EYS: variants seen among roughly 807,000 people sequenced by gnomAD.
EYS encodes protein eyes shut homolog.
In EYS, 250 loss-of-function variants were observed where a neutral mutation model predicts 282.1. The ratio of observed to expected loss-of-function variants is 0.89; its 90% CI spans 0.80 to 0.98. The LOEUF (loss-of-function observed/expected upper bound fraction) is 0.98. EYS is among the 50% of genes least tolerant of loss of function. The pLI is 0.00. For synonymous variants in EYS, 1,355 were observed against 1,282.9 expected (o/e 1.06, Z -1.20); for missense variants, 4,016 against 3,709.0 (o/e 1.08, Z -2.15).
chr6:64,323,077 A>G (rs1770277066), intron 29 of EYS, among the ~76,000 whole-genome samples: 1 of 152,112 alleles, frequency 6.6e-6, no homozygotes, highest in African/African-American at 2.4e-5. Context: ...TATATAATTT[A>G]TCTATTTAAA....
intron 29 of EYS, among the ~76,000 whole-genome samples, chr6:64,354,570 T>A (rs1217893600): frequency 6.6e-6 from 1 of 151,548 alleles, no homozygotes; most frequent in Admixed American, 6.6e-5. Context: ...TAGCCATGAT[T>A]TTCTCATTTT....
chr6:63,984,034 A>G (rs1263162111), intron 35 of EYS, among the ~76,000 whole-genome samples: 1 of 151,544 alleles, frequency 6.6e-6, no homozygotes, highest in Non-Finnish European at 1.5e-5. Flanking sequence ...AAAAATTAAT[A>G]AATATATCAA....
chr6:64,960,382 G>C (rs1769870774), intron 14 of EYS, among the ~76,000 whole-genome samples: 1 of 152,002 alleles, frequency 6.6e-6, no homozygotes, highest in African/African-American at 2.4e-5. Context: ...GATTTTGAAA[G>C]GATTTTTCCT....
At position 64,349,539 on chromosome 6, in the gene EYS, A is replaced by G. The variant is rs574614953; in HGVS notation, c.6078+39151T>C. On this transcript the variant is annotated intron_variant, in intron 29 of 42. Coordinates refer to ENST00000503581, the MANE Select transcript of EYS (RefSeq NM_001142800.2). The stretch of plus-strand genomic sequence containing the variant: ...TTAGTCTGTGATATTGTTCAATACT[A>G]GGTAAGAGTTAATGATTCTATAAAA... Among the ~76,000 whole-genome samples the G allele has an allele frequency of 1.2e-3, 177 of 151,424 alleles. 1 individual carries two copies. The highest frequency in any genetic ancestry group is 1.8e-3 in the Non-Finnish European group (121 of 67,494).
chr6:64,969,242 G>A (rs1770207775), intron 14 of EYS, among the ~76,000 whole-genome samples: 1 of 152,142 alleles, frequency 6.6e-6, no homozygotes. Flanking sequence ...AGTGGTTGCA[G>A]GTGGAGTGTG....
chr6:64,589,628 G>C (rs1582927329), intron 26 of EYS, among the ~76,000 whole-genome samples: 1 of 151,882 alleles, frequency 6.6e-6, no homozygotes, highest in Non-Finnish European at 1.5e-5. Flanking sequence ...ATATATCAAG[G>C]CTCTGAATTC....
chr6:65,488,328 T>C (rs1765890701), intron 5 of EYS, among the ~76,000 whole-genome samples: 2 of 152,208 alleles, frequency 1.3e-5, no homozygotes, highest in African/African-American at 4.8e-5. Flanking sequence ...TAAATTTCCC[T>C]CTACACACTG....
chr6:65,609,171 G>C (rs1765906614), intron 2 of EYS, among the ~76,000 whole-genome samples: 1 of 151,728 alleles, frequency 6.6e-6, no homozygotes, highest in African/African-American at 2.4e-5. Context: ...ATCACCACAA[G>C]CATGTGACTA....
In EYS at chr6:63,806,107, C is replaced by T. The variant is rs1393262725; in HGVS notation, c.7411+83G>A. 7 of 1,218,988 alleles carry T rather than the reference C, an allele frequency of 5.7e-6. No homozygotes were observed. The African/African-American group carries it at 1.1e-4, about 19-fold the overall frequency. 75.5% of individuals were successfully genotyped at this position (1,218,988 alleles called of 1,614,324 possible). The stretch of plus-strand genomic sequence containing the variant: ...CTAGGCAAAGGTCTTTTTTTTACCA[C>T]AGCCAATTAGAGTGTCCCTGAGGAA... On this transcript the variant is annotated intron_variant, in intron 37 of 42. Coordinates refer to ENST00000503581, the MANE Select transcript of EYS (RefSeq NM_001142800.2).
rs1192290432 is a variant in EYS at position 64,439,200 on chromosome 6, A to T, written c.5797T>A (p.Phe1933Ile). The T allele has an allele frequency of 1.4e-6, 2 of 1,479,186 alleles. No individual in the cohort carries two copies. Among genetic ancestry groups the T allele is most frequent in the East Asian group, 2.7e-5 (1 of 37,266 alleles). The allele number at this position is 1,479,186 out of a possible 1,614,324, so 91.6% of individuals were successfully genotyped here. Residue 1933 changes from phenylalanine (F) to isoleucine (I), a missense_variant, in exon 27 of 43, where the codon TTT (phenylalanine) becomes ATT (isoleucine). Coordinates refer to ENST00000503581, the MANE Select transcript of EYS (RefSeq NM_001142800.2). Reference protein sequence around the residue: ...VKQDSNLVDGFFIQLFIENGT... With the variant: ...VKQDSNLVDGIFIQLFIENGT... Reference sequence around the variant, plus strand: ...TTTTCAATAAACAATTGAATAAAAAATCCATCTACTAAATTTGAGTCTTGC... The same window carrying T: ...TTTTCAATAAACAATTGAATAAAAATTCCATCTACTAAATTTGAGTCTTGC...
At chr6:64,688,364 G>A (rs918837826) in intron 22 of EYS, among the ~76,000 whole-genome samples, 2 of 151,988 alleles carry the variant, frequency 1.3e-5, no homozygotes, top group Non-Finnish European at 2.9e-5. Context: ...GGCATTTAGT[G>A]CTATAAATTT....
At chr6:63,951,567 C>A (rs1384992793) in intron 35 of EYS, among the ~76,000 whole-genome samples, 1 of 152,044 alleles carries the variant, frequency 6.6e-6, no homozygotes, top group African/African-American at 2.4e-5. Context: ...GACTGATCCT[C>A]CTCAGGTCAC....
chr6:63,741,910 T>C lies in EYS; in HGVS notation c.8072-15230A>G, dbSNP rs1769084991. 1.4e-5 allele frequency: 10 copies of C among 702,272 alleles called. No homozygotes were observed. The Admixed American group carries it at 1.8e-4, about 13-fold the overall frequency. The allele number at this position is 702,272 out of a possible 1,614,324, so 43.5% of individuals were successfully genotyped here. On this transcript the variant is annotated intron_variant, in intron 41 of 42. Coordinates refer to ENST00000503581, the MANE Select transcript of EYS (RefSeq NM_001142800.2). ...TTGTTTTGCTGTTTGTACTGGTCCT[T>C]ACCCTCCTTCTTCACTTTCCGTTCT...
intron 19 of EYS, among the ~76,000 whole-genome samples, chr6:64,846,018 T>A (rs9363270): frequency 0.094 from 14,339 of 152,146 alleles, 871 homozygotes; most frequent in East Asian, 0.32. Context: ...ACTTAACATA[T>A]GTTTCCAAAT....
At chr6:65,165,949 C>A (rs969999049) in intron 12 of EYS, among the ~76,000 whole-genome samples, 3 of 150,658 alleles carry the variant, frequency 2.0e-5, no homozygotes, top group African/African-American at 7.3e-5. Flanking sequence ...ATAAACAATC[C>A]CTAAATGAAA....
chr6:63,898,796 AAG>A (rs1491041005), intron 35 of EYS, among the ~76,000 whole-genome samples: 1 of 29,138 alleles, frequency 3.4e-5, no homozygotes, highest in Non-Finnish European at 1.5e-4. Context: ...CCTCAGAGAA[AAG>A]AATGTAAGAT....
intron 5 of EYS, among the ~76,000 whole-genome samples, chr6:65,458,403 C>A (rs1420111317): frequency 6.6e-6 from 1 of 152,062 alleles, no homozygotes; most frequent in Admixed American, 6.6e-5. Context: ...CTCCCTCACC[C>A]ATCTTATACT....
chr6:65,391,478 G>A (rs1766028582), intron 7 of EYS, among the ~76,000 whole-genome samples: 1 of 152,032 alleles, frequency 6.6e-6, no homozygotes, highest in African/African-American at 2.4e-5. Context: ...AAAGTCTCAG[G>A]ATGCAAAATC....
At chr6:64,346,559 G>C (rs951896676) in intron 29 of EYS, among the ~76,000 whole-genome samples, 2 of 151,678 alleles carry the variant, frequency 1.3e-5, no homozygotes, top group Admixed American at 1.3e-4. Context: ...TTGTGGGGTG[G>C]GGGGAGTGGG....
Sources: gnomAD v4.1 joint callset for allele counts (sites outside exome capture counted in the v4.1 genomes callset) on GRCh38, gnomAD v4.1.1 for gene constraint, MANE v1.5 for transcripts, NCBI Gene and HGNC (gene_info 2026-07-23, HGNC 2026-07-21) for gene names.